Variants in SLAMF8 observed in about 807,000 individuals in gnomAD.
SLAMF8 encodes the protein B lymphocyte activator macrophage expressed.
In SLAMF8, 23 loss-of-function variants were observed where a neutral mutation model predicts 29.0. The ratio of observed to expected loss-of-function variants is 0.79; its 90% CI spans 0.57 to 1.13. The LOEUF (loss-of-function observed/expected upper bound fraction) is 1.13, where lower values mean the gene tolerates loss of function less well. Ranked by LOEUF, SLAMF8 falls within the 50% of genes most tolerant of loss-of-function variation. SLAMF8 has a pLI of 0.00. For missense variants in SLAMF8, 381 were observed against 353.1 expected (o/e 1.08, Z -0.63); for synonymous variants, 139 against 145.6 (o/e 0.96, Z 0.32).
chr1:159,835,485 G>A lies in SLAMF8; in HGVS notation c.*225G>A. The A allele has an allele frequency of 1.5e-6, 2 of 1,317,482 alleles. No individual in the cohort carries two copies. The highest frequency in any genetic ancestry group is 1.9e-6 in the Non-Finnish European group (2 of 1,035,514). 81.6% of individuals were successfully genotyped at this position (1,317,482 alleles called of 1,614,324 possible). ...CCCTCTCCCATCTTCTCATATCCTG[G>A]CTCTTCTCTGGGCAAGATGAGCCAA... On this transcript the variant is annotated 3_prime_UTR_variant, in exon 5 of 5. Coordinates refer to ENST00000289707, the MANE Select transcript of SLAMF8 (RefSeq NM_020125.3).
intron 2 of SLAMF8, among the ~76,000 whole-genome samples, chr1:159,830,480 C>T (rs1297733402): frequency 6.6e-6 from 1 of 152,206 alleles, no homozygotes; most frequent in East Asian, 1.9e-4. Flanking sequence ...CTTCACCTTT[C>T]TCCTTTGTAA....
At chr1:159,831,634 A>G (rs564465883) in intron 2 of SLAMF8, among the ~76,000 whole-genome samples, 33 of 152,334 alleles carry the variant, frequency 2.2e-4, no homozygotes, top group African/African-American at 7.9e-4. Context: ...ACTAAGCTCT[A>G]AAATGCCTTG....
At position 159,830,033 on chromosome 1, in the gene SLAMF8, ACT is replaced by A. The variant is rs771996640; in HGVS notation, c.211_212del (p.Leu71ValfsTer92). ...CACGTTTTTCCGAGGCTCCCTGGAG[ACT>A]CTGTACCATTCCCGCTTCCTGGGCC... ...LATFFRGSLE[T>X]LYHSRFLGRA... On this transcript the variant is annotated frameshift_variant, in exon 2 of 5. Transcript: ENST00000289707. LOFTEE classifies it high-confidence loss of function. 541 of 1,614,002 alleles carry A rather than the reference ACT, an allele frequency of 3.4e-4. No homozygotes were observed. Among genetic ancestry groups the A allele is most frequent in the Middle Eastern group, 1.3e-3 (8 of 6,062 alleles).
chr1:159,828,927 C>G (rs1025152698), intron 1 of SLAMF8, among the ~76,000 whole-genome samples: 2 of 152,144 alleles, frequency 1.3e-5, no homozygotes, highest in Non-Finnish European at 2.9e-5. Context: ...GCTTTCTCAC[C>G]CCCTGTCTGT....
intron 2 of SLAMF8, among the ~76,000 whole-genome samples, chr1:159,831,255 G>T (rs535340317): frequency 6.6e-6 from 1 of 152,312 alleles, no homozygotes; most frequent in African/African-American, 2.4e-5. Flanking sequence ...GTAGCAGCTG[G>T]GAAGAGGGTA....
chr1:159,827,686 G>T (rs1039320126), intron 1 of SLAMF8, among the ~76,000 whole-genome samples: 3 of 152,228 alleles, frequency 2.0e-5, no homozygotes, highest in Non-Finnish European at 4.4e-5. Flanking sequence ...AGGGACTTTG[G>T]GTTGCTTTGT....
In SLAMF8 at chr1:159,830,259, T is replaced by C. The variant is rs1411487974; in HGVS notation, c.367+67T>C. Reference sequence around the variant, plus strand: ...CAAAGCACCAGACGAGCATCCTGAGTCATAGCAGCCAGGGAGAGCTGGGTT... The same window carrying C: ...CAAAGCACCAGACGAGCATCCTGAGCCATAGCAGCCAGGGAGAGCTGGGTT... On this transcript the variant is annotated intron_variant, in intron 2 of 4. Transcript: ENST00000289707. The C allele has an allele frequency of 2.0e-6, 3 of 1,467,086 alleles. No individual in the cohort carries two copies. In the African/African-American group the frequency reaches 4.2e-5, roughly 21 times the overall value. 90.9% of individuals were successfully genotyped at this position (1,467,086 alleles called of 1,614,324 possible).
chr1:159,831,689 T>C (rs1647498540), intron 2 of SLAMF8, among the ~76,000 whole-genome samples: 2 of 152,218 alleles, frequency 1.3e-5, no homozygotes, highest in South Asian at 4.1e-4. Flanking sequence ...TGCTGTTTTA[T>C]TGCTTCCAAA....
chr1:159,827,056 T>TG, intron 1 of SLAMF8, 118 bp downstream of exon 1: 1 of 1,275,608 alleles, frequency 7.8e-7, no homozygotes, highest in South Asian at 1.3e-5. Flanking sequence ...AAGCTGAGGG[T>TG]GGGTAGGAAA....
intron 2 of SLAMF8, among the ~76,000 whole-genome samples, chr1:159,830,780 A>C (rs1460625094): frequency 2.0e-5 from 3 of 152,256 alleles, no homozygotes; most frequent in Non-Finnish European, 4.4e-5. Flanking sequence ...CACATTTCTT[A>C]AAAGGGCTTC....
chr1:159,831,411 C>T (rs575233462), intron 2 of SLAMF8, among the ~76,000 whole-genome samples: 114 of 152,178 alleles, frequency 7.5e-4, no homozygotes, highest in Non-Finnish European at 1.2e-3. Context: ...CCCTGAGCCT[C>T]ATCTTGGCAA....
intron 1 of SLAMF8, among the ~76,000 whole-genome samples, chr1:159,828,792 G>A (rs117474852): frequency 2.0e-5 from 3 of 152,230 alleles, no homozygotes; most frequent in East Asian, 1.9e-4. Context: ...AGGGGAGGTC[G>A]GAGGAGGCAG....
rs1012443642 is a variant in SLAMF8, at chr1:159,837,223, C to T, written c.*1963C>T. On this transcript the variant is annotated 3_prime_UTR_variant, in exon 5 of 5. Coordinates refer to ENST00000289707, the MANE Select transcript of SLAMF8 (RefSeq NM_020125.3). ...GGCCTTGTTGAACAGATCCACACTG[C>T]TCTAATAAAGTTCCCATCCTTAATG... 26 of 985,324 alleles carry T rather than the reference C, an allele frequency of 2.6e-5. No homozygotes were observed. Among genetic ancestry groups the T allele is most frequent in the Non-Finnish European group, 3.0e-5 (25 of 829,974 alleles). The allele number at this position is 985,324 out of a possible 1,614,324, so 61.0% of individuals were successfully genotyped here.
Position 159,835,532 on chromosome 1 carries a change from A to C in SLAMF8, c.*272A>C. 1 of 1,210,290 alleles carries C rather than the reference A, an allele frequency of 8.3e-7. No individual in the cohort carries two copies. The highest frequency in any genetic ancestry group is 1.0e-6 in the Non-Finnish European group (1 of 971,264). The allele number at this position is 1,210,290 out of a possible 1,614,324, so 75.0% of individuals were successfully genotyped here. A position where few individuals can be genotyped will look rare whatever the true frequency, so the allele number is the denominator to read the frequency against. On this transcript the variant is annotated 3_prime_UTR_variant, in exon 5 of 5. Coordinates refer to ENST00000289707, the MANE Select transcript of SLAMF8 (RefSeq NM_020125.3). Reference sequence around the variant, plus strand: ...CCAAGCAGAACATTCCATCCAGGACACTGGAAGTTCTCCAGGATCCAGATC... The same window carrying C: ...CCAAGCAGAACATTCCATCCAGGACCCTGGAAGTTCTCCAGGATCCAGATC...
At chr1:159,827,542 C>T (rs1663705160) in intron 1 of SLAMF8, among the ~76,000 whole-genome samples, 1 of 152,172 alleles carries the variant, frequency 6.6e-6, no homozygotes, top group Non-Finnish European at 1.5e-5. Flanking sequence ...ATCCCTCTAT[C>T]CATCTGATGC....
rs1647966828 is a variant in SLAMF8 at position 159,836,679 on chromosome 1, A to T, written c.*1419A>T. 1 of 985,394 alleles carries T rather than the reference A, an allele frequency of 1.0e-6. No individual in the cohort carries two copies. Among genetic ancestry groups the T allele is most frequent in the Admixed American group, 6.1e-5 (1 of 16,276 alleles). The allele number at this position is 985,394 out of a possible 1,614,324, so 61.0% of individuals were successfully genotyped here. A position where few individuals can be genotyped will look rare whatever the true frequency, so the allele number is the denominator to read the frequency against. On this transcript the variant is annotated 3_prime_UTR_variant, in exon 5 of 5. Transcript: ENST00000289707. ...TCCCTCTTCTCCCCAGTTCCTGGGCAATCACTTCACCTTGGACAAAGGATC... is the reference window on the plus strand; with the variant it reads ...TCCCTCTTCTCCCCAGTTCCTGGGCTATCACTTCACCTTGGACAAAGGATC...
chr1:159,835,526 CA>C lies in SLAMF8; in HGVS notation c.*267del. 8.1e-7 allele frequency: 1 copy of C among 1,230,030 alleles called. No individual in the cohort carries two copies. Among genetic ancestry groups the C allele is most frequent in the Non-Finnish European group, 1.0e-6 (1 of 983,080 alleles). The allele number at this position is 1,230,030 out of a possible 1,614,324, so 76.2% of individuals were successfully genotyped here. The stretch of plus-strand genomic sequence containing the variant: ...GATGAGCCAAGCAGAACATTCCATC[CA>C]GGACACTGGAAGTTCTCCAGGATCC... On this transcript the variant is annotated 3_prime_UTR_variant, in exon 5 of 5. Transcript: ENST00000289707.
chr1:159,831,257 A>G (rs1357221686), intron 2 of SLAMF8, among the ~76,000 whole-genome samples: 1 of 152,124 alleles, frequency 6.6e-6, no homozygotes, highest in Non-Finnish European at 1.5e-5. Flanking sequence ...AGCAGCTGGG[A>G]AGAGGGTAGC....
intron 3 of SLAMF8, 31 bp from the exon 4 acceptor site, chr1:159,833,231 T>G: frequency 5.0e-6 from 8 of 1,614,094 alleles, no homozygotes; most frequent in Non-Finnish European, 6.8e-6. Flanking sequence ...AAGCATCAAG[T>G]CCACCTCTAA....
Sources: gnomAD v4.1 joint callset for allele counts (sites outside exome capture counted in the v4.1 genomes callset) on GRCh38, gnomAD v4.1.1 for gene constraint, MANE v1.5 for transcripts, NCBI Gene and HGNC (gene_info 2026-07-23, HGNC 2026-07-21) for gene names.